The following FRAS1 variants were observed in gnomAD, a reference collection of about 807,000 sequenced individuals.
The protein encoded by FRAS1 is Fraser extracellular matrix complex subunit 1, also known as extracellular matrix organizing protein FRAS1.
In FRAS1, 290 loss-of-function variants were observed where a neutral mutation model predicts 435.2. The observed-to-expected ratio is 0.67, with a 90% CI of 0.61 to 0.73. The LOEUF (loss-of-function observed/expected upper bound fraction) is 0.73, where lower values mean the gene tolerates loss of function less well. Among genes scored for constraint, FRAS1 ranks in the 30% least tolerant of loss-of-function variants. The probability of loss-of-function intolerance (pLI) is 0.00; values close to 1 mark genes in which losing one functional copy is unlikely to be tolerated. For missense variants in FRAS1, 4,860 were observed against 5,001.5 expected, an observed-to-expected ratio of 0.97 and a Z score of 0.85; for synonymous variants, 1,800 against 1,851.0, an observed-to-expected ratio of 0.97 and a Z score of 0.71.
At chr4:78,333,885 C>G (rs920007623) in intron 19 of FRAS1, among the ~76,000 whole-genome samples, 6 of 152,058 alleles carry the variant, frequency 3.9e-5, no homozygotes, top group Non-Finnish European at 8.8e-5. Flanking sequence ...TGCAACCTCA[C>G]CTCGGCCTCC....
At chr4:78,419,916 A>G (rs1340864496) in intron 33 of FRAS1, among the ~76,000 whole-genome samples, 2 of 152,152 alleles carry the variant, frequency 1.3e-5, no homozygotes, top group Non-Finnish European at 2.9e-5. Flanking sequence ...CTCACTCACT[A>G]TCACCAGGAC....
intron 2 of FRAS1, among the ~76,000 whole-genome samples, chr4:78,083,918 A>G (rs1046608816): frequency 2.0e-5 from 3 of 152,116 alleles, no homozygotes; most frequent in Non-Finnish European, 2.9e-5. Context: ...CATCTAAAAT[A>G]TAAAACTTTC....
intron 38 of FRAS1, among the ~76,000 whole-genome samples, chr4:78,435,649 A>G (rs1156493646): frequency 1.3e-5 from 2 of 152,088 alleles, no homozygotes; most frequent in African/African-American, 4.8e-5. Context: ...GAGGCATGAG[A>G]ATAGCTTGAA....
intron 2 of FRAS1, chr4:78,181,617 C>T: frequency 6.2e-7 from 1 of 1,610,682 alleles, no homozygotes; most frequent in Non-Finnish European, 8.5e-7. Flanking sequence ...TCACCCTTTT[C>T]TTCAAGTGGC....
chr4:78,058,127 CGTGTGT>C (rs753332895), intron 1 of FRAS1, 42 bp downstream of exon 1: 9 of 1,473,852 alleles, frequency 6.1e-6, no homozygotes, highest in Middle Eastern at 1.7e-4. Context: ...TGTGCGTGTG[CGTGTGT>C]GTGTGTATGT....
intron 25 of FRAS1, 135 bp from the exon 26 acceptor site, chr4:78,375,604 T>A: frequency 1.5e-6 from 1 of 681,066 alleles, no homozygotes. Flanking sequence ...GTAGGGAAAC[T>A]GTCAGTATTC....
intron 18 of FRAS1, among the ~76,000 whole-genome samples, chr4:78,324,916 A>G (rs1297453100): frequency 6.6e-5 from 10 of 152,086 alleles, no homozygotes; most frequent in Non-Finnish European, 1.0e-4. Flanking sequence ...GAGTCTTTCA[A>G]TTTCCATGCA....
chr4:78,534,344 C>T (rs757260419), intron 70 of FRAS1, 105 bp from the exon 71 acceptor site: 11 of 850,650 alleles, frequency 1.3e-5, no homozygotes, highest in Non-Finnish European at 1.9e-5. Context: ...CACAACAAAG[C>T]TCTGTGTACA....
chr4:78,481,004 A>G (rs1719995159), intron 56 of FRAS1, among the ~76,000 whole-genome samples: 1 of 152,246 alleles, frequency 6.6e-6, no homozygotes, highest in Non-Finnish European at 1.5e-5. Context: ...ATGATTAAGC[A>G]GCTAATAAAA....
intron 18 of FRAS1, among the ~76,000 whole-genome samples, chr4:78,324,534 T>C (rs1729639895): frequency 6.6e-6 from 1 of 152,152 alleles, no homozygotes; most frequent in African/African-American, 2.4e-5. Context: ...CCAATAATTT[T>C]GTTGAAAATC....
chr4:78,146,319 T>C (rs1432217550), intron 2 of FRAS1, among the ~76,000 whole-genome samples: 1 of 152,196 alleles, frequency 6.6e-6, no homozygotes, highest in Admixed American at 6.5e-5. Context: ...ACATGCTTAC[T>C]TATACTGCTA....
intron 18 of FRAS1, among the ~76,000 whole-genome samples, chr4:78,321,221 T>C (rs978512248): frequency 9.9e-5 from 15 of 152,160 alleles, no homozygotes; most frequent in African/African-American, 3.4e-4. Flanking sequence ...AATGCCAGCC[T>C]TATGGGGTCA....
At chr4:78,354,919 C>T (rs745954198) in intron 20 of FRAS1, among the ~76,000 whole-genome samples, 2 of 152,252 alleles carry the variant, frequency 1.3e-5, no homozygotes, top group African/African-American at 2.4e-5. Context: ...TGCTTCCATC[C>T]GTCATGATTG....
chr4:78,323,992 C>T (rs1483027087), intron 18 of FRAS1, among the ~76,000 whole-genome samples: 1 of 152,146 alleles, frequency 6.6e-6, no homozygotes, highest in Admixed American at 6.5e-5. Flanking sequence ...TTATAACATG[C>T]TCCTAGGTGA....
chr4:78,065,338 C>CAT (rs1297797806), intron 1 of FRAS1, among the ~76,000 whole-genome samples: 21 of 151,046 alleles, frequency 1.4e-4, no homozygotes, highest in African/African-American at 3.6e-4. Flanking sequence ...TACACACACA[C>CAT]ATATATATAA....
intron 2 of FRAS1, among the ~76,000 whole-genome samples, chr4:78,208,732 T>C (rs1723372601): frequency 6.6e-6 from 1 of 152,204 alleles, no homozygotes; most frequent in Admixed American, 6.5e-5. Context: ...ATTAAACTTT[T>C]TCTACATTAT....
intron 50 of FRAS1, among the ~76,000 whole-genome samples, chr4:78,468,103 T>C (rs1560744628): frequency 6.6e-6 from 1 of 152,202 alleles, no homozygotes; most frequent in Non-Finnish European, 1.5e-5. Context: ...CCATTTTCAC[T>C]TTGGTTTCCT....
At chr4:78,217,771 G>C (rs1005024844) in intron 2 of FRAS1, among the ~76,000 whole-genome samples, 1 of 148,954 alleles carries the variant, frequency 6.7e-6, no homozygotes, top group East Asian at 2.0e-4. Context: ...TCTAACTCAT[G>C]AACCTACAAG....
intron 41 of FRAS1, among the ~76,000 whole-genome samples, chr4:78,443,267 A>G (rs1472962206): frequency 6.6e-6 from 1 of 152,182 alleles, no homozygotes; most frequent in Non-Finnish European, 1.5e-5. Context: ...CTGAGGCAGG[A>G]GGATCAGTTG....
Sources: allele counts gnomAD v4.1 joint callset (sites outside exome capture counted in the v4.1 genomes callset), GRCh38; gene constraint gnomAD v4.1.1; transcripts MANE v1.5; gene names NCBI Gene and HGNC (gene_info 2026-07-23, HGNC 2026-07-21).